Variants in TLX1 observed in about 807,000 individuals in gnomAD.
TLX1 encodes T cell leukemia homeobox 1.
A neutral mutation model predicts 26.5 loss-of-function variants in TLX1; 6 were observed. The observed-to-expected ratio is 0.23, with a 90% CI of 0.12 to 0.45. The LOEUF is 0.45. TLX1 is among the 20% of genes least tolerant of loss of function. The pLI is 0.99. For missense variants in TLX1, 418 were observed against 482.6 expected (o/e 0.87, Z 1.25); for synonymous variants, 217 against 219.7 (o/e 0.99, Z 0.11).
In TLX1 at chr10:101,132,136, C is replaced by A; in HGVS notation, c.568+27C>A. ...TGAGTCCGGCCCGCGCGCTCCCCGC[C>A]TGGCCGCGGCCCGGGCTCCGTGCTA... is the stretch of plus-strand genomic sequence containing the variant. On this transcript the variant is annotated intron_variant, in intron 1 of 2. Coordinates refer to ENST00000370196, the MANE Select transcript of TLX1 (RefSeq NM_005521.4). This position sits in a 1 kb window ranked among gnomAD's most constrained non-coding sequence, Gnocchi z 4.1. The A allele has an allele frequency of 7.5e-7, 1 of 1,332,636 alleles. No homozygotes were observed. The allele number at this position is 1,332,636 out of a possible 1,614,324, so 82.6% of individuals were successfully genotyped here.
rs1011681756 is a variant in TLX1 at position 101,137,386 on chromosome 10, G to T, written c.*473G>T. On this transcript the variant is annotated 3_prime_UTR_variant, in exon 3 of 3. Coordinates refer to ENST00000370196, the MANE Select transcript of TLX1 (RefSeq NM_005521.4). ...GGTGTCACCCCAGAGCCACACATGG[G>T]CATCTATGGGAGAGTGTCAACCAGA... 1 of 267,054 alleles carries T rather than the reference G, an allele frequency of 3.7e-6. No homozygotes were observed. Among genetic ancestry groups the T allele is most frequent in the African/African-American group, 2.2e-5 (1 of 46,224 alleles). The allele number at this position is 267,054 out of a possible 1,614,324, so 16.5% of individuals were successfully genotyped here.
intron 2 of TLX1, among the ~76,000 whole-genome samples, chr10:101,134,724 TTTTG>T (rs1481675437): frequency 6.6e-6 from 1 of 152,116 alleles, no homozygotes; most frequent in Admixed American, 6.5e-5. Flanking sequence ...CTGGGGAGCT[TTTTG>T]TTTGCGCAAA....
Position 101,137,459 on chromosome 10 carries a change from T to A in TLX1, c.*546T>A. 4.1e-6 allele frequency: 1 copy of A among 244,986 alleles called. No individual in the cohort carries two copies. The highest frequency in any genetic ancestry group is 8.0e-6 in the Non-Finnish European group (1 of 124,986). 15.2% of individuals were successfully genotyped at this position (244,986 alleles called of 1,614,324 possible). A position where few individuals can be genotyped will look rare whatever the true frequency, so the allele number is the denominator to read the frequency against. On this transcript the variant is annotated 3_prime_UTR_variant, in exon 3 of 3. Transcript: ENST00000370196. ...TTTGGACCTTACGATCAGGCACAGG[T>A]CAGGGGTGACACAGACTCATCCTGA...
Position 101,131,751 on chromosome 10 carries a change from A to G in TLX1, c.210A>G (p.Gly70=). ...CCGCGGCCGCGACGGGGGCTGGAGGAGCGGGGGCCTATGGTACTGGAGGTC... is the reference window on the plus strand; with the variant it reads ...CCGCGGCCGCGACGGGGGCTGGAGGGGCGGGGGCCTATGGTACTGGAGGTC... ...GGSAAATGAG[G]AGAYGTGGPG... Residue 70 remains glycine (G), a synonymous_variant, in exon 1 of 3, where the codon GGA becomes GGG. Transcript: ENST00000370196. 6 of 1,420,374 alleles carry G rather than the reference A, an allele frequency of 4.2e-6. No individual in the cohort carries two copies. The highest frequency in any genetic ancestry group is 5.5e-6 in the Non-Finnish European group (6 of 1,093,230). The allele number at this position is 1,420,374 out of a possible 1,614,324, so 88.0% of individuals were successfully genotyped here. A position where few individuals can be genotyped will look rare whatever the true frequency, so the allele number is the denominator to read the frequency against.
At position 101,131,944 on chromosome 10, in the gene TLX1, C is replaced by T. The variant is rs1940185451; in HGVS notation, c.403C>T (p.Pro135Ser). The change falls in exon 1 of 3, where the codon CCG (proline) becomes TCG (serine). Residue 135 changes from proline to serine, a missense_variant. Transcript: ENST00000370196. ...CAGCGCTGCGGGGGTAATCCGGGTG[C>T]CGGCACACAGGCCGCTCGCCGGAGC... Reference protein sequence around the residue: ...ALSAAGVIRVPAHRPLAGAVA... With the variant: ...ALSAAGVIRVSAHRPLAGAVA... 4 of 1,447,354 alleles carry T rather than the reference C, an allele frequency of 2.8e-6. No homozygotes were observed. Among genetic ancestry groups the T allele is most frequent in the South Asian group, 1.4e-5 (1 of 70,158 alleles). The allele number at this position is 1,447,354 out of a possible 1,614,324, so 89.7% of individuals were successfully genotyped here.
chr10:101,133,671 C>T (rs577703936), intron 1 of TLX1, among the ~76,000 whole-genome samples: 1 of 152,210 alleles, frequency 6.6e-6, no homozygotes, highest in Non-Finnish European at 1.5e-5. Flanking sequence ...GTGCTTGTCC[C>T]GTGCCTGTGC....
At chr10:101,135,377 G>T (rs1056287338) in intron 2 of TLX1, 32 of 154,518 alleles carry the variant, frequency 2.1e-4, no homozygotes, top group African/African-American at 6.0e-4. Context: ...CTGGGATTCC[G>T]CCTACGGGGC....
intron 2 of TLX1, among the ~76,000 whole-genome samples, chr10:101,135,186 GGCACGCTGCACCCTC>G (rs1940269030): frequency 1.4e-5 from 1 of 71,180 alleles, no homozygotes; most frequent in Non-Finnish European, 3.0e-5. Flanking sequence ...TGCACCCTCT[GGCACGCTGCACCCTC>G]CCGCACATCT....
Position 101,136,675 on chromosome 10 carries a change from C to T in TLX1, c.771-16C>T. On this transcript the variant is annotated splice_polypyrimidine_tract_variant and intron_variant, in intron 2 of 2. Transcript: ENST00000370196. ...GGTCGGTGCTCCTGGCAGGTAACGG[C>T]TTGTTCCCGGTGCAGACGGCAGACT... 1 of 1,612,394 alleles carries T rather than the reference C, an allele frequency of 6.2e-7. No individual in the cohort carries two copies. The highest frequency in any genetic ancestry group is 1.3e-5 in the African/African-American group (1 of 75,064).
Position 101,131,650 on chromosome 10 carries a change from G to C in TLX1, c.109G>C (p.Ala37Pro). The change falls in exon 1 of 3, where the codon GCC (alanine) becomes CCC (proline). Residue 37 changes from alanine to proline, a missense_variant. Physicochemically the swap from Ala to Pro is conservative, Grantham distance 27. Transcript: ENST00000370196. ...SPDQGGCMGP[A>P]SRLQDGEYGL... ...GGACCAGGGTGGCTGCATGGGACCC[G>C]CCTCGCGCCTCCAGGACGGAGAATA... The C allele has an allele frequency of 6.4e-7, 1 of 1,565,250 alleles. No individual in the cohort carries two copies. Among genetic ancestry groups the C allele is most frequent in the Non-Finnish European group, 8.6e-7 (1 of 1,159,864 alleles).
rs377362073 is a variant in TLX1, at chr10:101,131,317, A to G, written c.-225A>G. On this transcript the variant is annotated 5_prime_UTR_variant, in exon 1 of 3. Coordinates refer to ENST00000370196, the MANE Select transcript of TLX1 (RefSeq NM_005521.4). ...TGGTGATTGATGTCCCAGAGTCAAC[A>G]GCGAGCGAGCAGCCGGAGCGGGGAA... The G allele has an allele frequency of 2.8e-4, 119 of 419,554 alleles. No individual in the cohort carries two copies. Among genetic ancestry groups the G allele is most frequent in the African/African-American group, 2.2e-3 (105 of 48,506 alleles). 26.0% of individuals were successfully genotyped at this position (419,554 alleles called of 1,614,324 possible). A position where few individuals can be genotyped will look rare whatever the true frequency, so the allele number is the denominator to read the frequency against.
rs1391092527 is a variant in TLX1, at chr10:101,137,014, A to T, written c.*101A>T. 4.1e-6 allele frequency: 6 copies of T among 1,451,922 alleles called. No individual in the cohort carries two copies. In the Admixed American group the frequency reaches 1.0e-4, roughly 25 times the overall value. The allele number at this position is 1,451,922 out of a possible 1,614,324, so 89.9% of individuals were successfully genotyped here. ...ACCCTCCTGGCCTCAGACTGCACCCAGGAGGGGAACACTGCCCTCGCACGG... is the reference window on the plus strand; with the variant it reads ...ACCCTCCTGGCCTCAGACTGCACCCTGGAGGGGAACACTGCCCTCGCACGG... On this transcript the variant is annotated 3_prime_UTR_variant, in exon 3 of 3. Coordinates refer to ENST00000370196, the MANE Select transcript of TLX1 (RefSeq NM_005521.4).
At position 101,132,245 on chromosome 10, in the gene TLX1, C is replaced by G; in HGVS notation, c.568+136C>G. ...TTCTTGGTGCTTCCCCCAAGTTGAGCCGCCCGCCCGATTCTATAACGCAGA... is the reference window on the plus strand; with the variant it reads ...TTCTTGGTGCTTCCCCCAAGTTGAGGCGCCCGCCCGATTCTATAACGCAGA... On this transcript the variant is annotated intron_variant, in intron 1 of 2. Coordinates refer to ENST00000370196, the MANE Select transcript of TLX1 (RefSeq NM_005521.4). The surrounding 1 kb of genome is among the most constrained non-coding windows in gnomAD (Gnocchi z 4.1). The G allele has an allele frequency of 1.4e-6, 1 of 727,676 alleles. No individual in the cohort carries two copies. The highest frequency in any genetic ancestry group is 1.9e-6 in the Non-Finnish European group (1 of 520,640). The allele number at this position is 727,676 out of a possible 1,614,324, so 45.1% of individuals were successfully genotyped here. A position where few individuals can be genotyped will look rare whatever the true frequency, so the allele number is the denominator to read the frequency against.
chr10:101,134,632 C>T (rs1359258882), intron 2 of TLX1, among the ~76,000 whole-genome samples: 3 of 151,936 alleles, frequency 2.0e-5, no homozygotes, highest in Non-Finnish European at 4.4e-5. Context: ...CCGGTGTAGA[C>T]GCGGCAGGTC....
intron 1 of TLX1, chr10:101,133,133 T>A (rs1480308386): frequency 1.3e-5 from 2 of 152,542 alleles, no homozygotes; most frequent in East Asian, 3.9e-4. Context: ...CTGGCAGAGA[T>A]GGGGCCTCCT....
Position 101,132,031 on chromosome 10 carries a change from C to A in TLX1, c.490C>A (p.Pro164Thr). Residue 164 changes from proline to threonine, a missense_variant, in exon 1 of 3, where the codon CCG (proline) becomes ACG (threonine). Transcript: ENST00000370196. This position sits in a 1 kb window ranked among gnomAD's most constrained non-coding sequence, Gnocchi z 4.1. The part of the protein sequence containing the change: ...LPTVPSVPAM[P>T]GVNNLTGLTF... ...CACCGTGCCCTCTGTGCCTGCCATGCCGGGCGTCAACAACCTCACTGGCCT... is the reference window on the plus strand; with the variant it reads ...CACCGTGCCCTCTGTGCCTGCCATGACGGGCGTCAACAACCTCACTGGCCT... 4 of 1,518,000 alleles carry A rather than the reference C, an allele frequency of 2.6e-6. No individual in the cohort carries two copies. The highest frequency in any genetic ancestry group is 1.4e-5 in the African/African-American group (1 of 69,934). 94.0% of individuals were successfully genotyped at this position (1,518,000 alleles called of 1,614,324 possible). A position where few individuals can be genotyped will look rare whatever the true frequency, so the allele number is the denominator to read the frequency against.
Position 101,137,003 on chromosome 10 carries a change from A to T in TLX1, c.*90A>T. 6.6e-7 allele frequency: 1 copy of T among 1,506,792 alleles called. No homozygotes were observed. Among genetic ancestry groups the T allele is most frequent in the Non-Finnish European group, 9.0e-7 (1 of 1,115,304 alleles). 93.3% of individuals were successfully genotyped at this position (1,506,792 alleles called of 1,614,324 possible). On this transcript the variant is annotated 3_prime_UTR_variant, in exon 3 of 3. Transcript: ENST00000370196. Reference sequence around the variant, plus strand: ...GACTCCTCCCCACCCTCCTGGCCTCAGACTGCACCCAGGAGGGGAACACTG... The same window carrying T: ...GACTCCTCCCCACCCTCCTGGCCTCTGACTGCACCCAGGAGGGGAACACTG...
rs1016940334 is a variant in TLX1, at chr10:101,132,534, A to T, written c.568+425A>T. Among the ~76,000 whole-genome samples, 1 of 152,178 alleles carries T rather than the reference A, an allele frequency of 6.6e-6. No homozygotes were observed. The highest frequency in any genetic ancestry group is 2.4e-5 in the African/African-American group (1 of 41,442). On this transcript the variant is annotated intron_variant, in intron 1 of 2. Transcript: ENST00000370196. The surrounding 1 kb of genome is among the most constrained non-coding windows in gnomAD (Gnocchi z 4.1). ...CGAGCCCCAGGATCAGACACAAGAA[A>T]AGAACAGGTTCCCCCACCTCCAGTC...
In TLX1 at chr10:101,131,480, G is replaced by GC. The variant is rs1486843082; in HGVS notation, c.-56dup. On this transcript the variant is annotated 5_prime_UTR_variant, in exon 1 of 3. Coordinates refer to ENST00000370196, the MANE Select transcript of TLX1 (RefSeq NM_005521.4). Reference sequence around the variant, plus strand: ...TGTTGCCTCCCAGCCCCTGCTAGCTGCCCCCCGAGCCGAGCGCAGCGAGCG... The same window carrying GC: ...TGTTGCCTCCCAGCCCCTGCTAGCTGCCCCCCCGAGCCGAGCGCAGCGAGCG... The GC allele has an allele frequency of 1.9e-5, 25 of 1,321,880 alleles. No individual in the cohort carries two copies. Among genetic ancestry groups the GC allele is most frequent in the Middle Eastern group, 5.5e-4 (2 of 3,664 alleles). 81.9% of individuals were successfully genotyped at this position (1,321,880 alleles called of 1,614,324 possible). A position where few individuals can be genotyped will look rare whatever the true frequency, so the allele number is the denominator to read the frequency against.
Sources: allele counts gnomAD v4.1 joint callset (sites outside exome capture counted in the v4.1 genomes callset), GRCh38; gene constraint gnomAD v4.1.1; non-coding constraint Gnocchi (gnomAD v3.1); transcripts MANE v1.5; gene names NCBI Gene and HGNC (gene_info 2026-07-23, HGNC 2026-07-21).